Variants in CHRM3 observed in about 807,000 individuals in gnomAD.
CHRM3 encodes the protein cholinergic receptor muscarinic 3, also known as muscarinic acetylcholine receptor M3.
CHRM3 carries 11 observed loss-of-function variants against 41.8 expected under a neutral mutation model. The ratio of observed to expected loss-of-function variants is 0.26; its 90% confidence interval spans 0.17 to 0.44. The LOEUF (loss-of-function observed/expected upper bound fraction) is 0.44, where lower values mean the gene tolerates loss of function less well. Ranked by LOEUF, CHRM3 falls within the 20% of genes least tolerant of loss-of-function variation. CHRM3 has a pLI of 1.00. For synonymous variants in CHRM3, 297 were observed against 301.4 expected, an observed-to-expected ratio of 0.99 and a Z score of 0.15; for missense variants, 571 against 745.4, an observed-to-expected ratio of 0.77 and a Z score of 2.72.
intron 4 of CHRM3, among the ~76,000 whole-genome samples, chr1:239,662,105 ATGTGTGTGTGTGTG>A (rs57202092): frequency 7.0e-4 from 102 of 144,832 alleles, no homozygotes; most frequent in South Asian, 6.5e-3. Flanking sequence ...TCAGTTTTAG[ATGTGTGTGTGTGTG>A]TGTGTGTGTG....
At chr1:239,613,121 C>A (rs1255061841) in intron 3 of CHRM3, among the ~76,000 whole-genome samples, 1 of 152,200 alleles carries the variant, frequency 6.6e-6, no homozygotes, top group Non-Finnish European at 1.5e-5. Context: ...TGCCCCTCAT[C>A]ATTTTCCATA....
chr1:239,407,645 A>G (rs947955318), intron 1 of CHRM3, among the ~76,000 whole-genome samples: 2 of 152,132 alleles, frequency 1.3e-5, no homozygotes, highest in African/African-American at 4.8e-5. Flanking sequence ...GTCACTCACA[A>G]TAAATTATAG....
At chr1:239,546,660 C>T (rs1012807463) in intron 3 of CHRM3, 3 of 152,198 alleles carry the variant, frequency 2.0e-5, no homozygotes, top group Admixed American at 2.0e-4. Flanking sequence ...TTCTCACACA[C>T]CCATGCACAC....
chr1:239,610,708 C>T (rs1262871404), intron 3 of CHRM3, among the ~76,000 whole-genome samples: 2 of 152,188 alleles, frequency 1.3e-5, no homozygotes, highest in Non-Finnish European at 2.9e-5. Context: ...GCCTCCTTAA[C>T]TTTAGCCTCC....
In CHRM3 at chr1:239,790,019, G is replaced by A. The variant is rs545244432; in HGVS notation, c.-146-37233G>A. ...ATGGGGCCTGTAGCCCCCGTTTGGC[G>A]AATTTCTACCATTTGTAACCCGTGT... On this transcript the variant is annotated intron_variant, in intron 5 of 6. Transcript: ENST00000676153. Among the ~76,000 whole-genome samples the A allele has an allele frequency of 1.5e-3, 225 of 152,228 alleles. 3 individuals carry two copies. In the Middle Eastern group the frequency reaches 0.017, roughly 12 times the overall value.
intron 2 of CHRM3, among the ~76,000 whole-genome samples, chr1:239,520,371 A>G (rs1410486699): frequency 4.6e-5 from 7 of 152,074 alleles, no homozygotes; most frequent in African/African-American, 1.7e-4. Flanking sequence ...CGGATTTCTC[A>G]TGAATCGTTT....
rs1282083573 is a variant in CHRM3, at chr1:239,492,798, C to T, written c.-431C>T. The T allele has an allele frequency of 6.6e-6, 1 of 152,236 alleles. No homozygotes were observed. The allele number at this position is 152,236 out of a possible 1,614,324, so 9.4% of individuals were successfully genotyped here. On this transcript the variant is annotated 5_prime_UTR_variant, in exon 2 of 7. Coordinates refer to ENST00000676153, the MANE Select transcript of CHRM3 (RefSeq NM_001375978.1). Reference sequence around the variant, plus strand: ...GGGAACCTACCCAGTCCATTGCTGCCTGCTACAAGGTAAGTGAAATCGATC... The same window carrying T: ...GGGAACCTACCCAGTCCATTGCTGCTTGCTACAAGGTAAGTGAAATCGATC...
At chr1:239,456,843 G>A (rs549380636) in intron 1 of CHRM3, among the ~76,000 whole-genome samples, 41 of 152,318 alleles carry the variant, frequency 2.7e-4, no homozygotes, top group African/African-American at 9.6e-4. Flanking sequence ...AGTGAAGAGA[G>A]CTCTGAGCAG....
intron 3 of CHRM3, among the ~76,000 whole-genome samples, chr1:239,612,910 C>T (rs75365416): frequency 3.8e-3 from 577 of 152,292 alleles, no homozygotes; most frequent in Non-Finnish European, 5.6e-3. Flanking sequence ...TTTCAGACTT[C>T]AGTTTCCCCT....
intron 1 of CHRM3, among the ~76,000 whole-genome samples, chr1:239,396,148 C>A (rs1174266615): frequency 1.3e-5 from 2 of 152,198 alleles, no homozygotes; most frequent in Non-Finnish European, 2.9e-5. Context: ...TCTTCTGTTA[C>A]TCTATCAGAA....
rs1350459825 is a variant in CHRM3, at chr1:239,631,274, G to C, written c.-312-950G>C. ...TGCTCTCCTTCTCTGTGCTGATCTTGTCACAGATGACACTCGCAGAGGTTT... is the reference window on the plus strand; with the variant it reads ...TGCTCTCCTTCTCTGTGCTGATCTTCTCACAGATGACACTCGCAGAGGTTT... On this transcript the variant is annotated intron_variant, in intron 3 of 6. Transcript: ENST00000676153. 3.9e-5 allele frequency among the ~76,000 whole-genome samples: 6 copies of C among 152,084 alleles called. No individual in the cohort carries two copies. In the East Asian group the frequency reaches 1.2e-3, roughly 29 times the overall value.
chr1:239,589,301 A>C (rs989482230), intron 3 of CHRM3, among the ~76,000 whole-genome samples: 70 of 151,948 alleles, frequency 4.6e-4, no homozygotes, highest in Non-Finnish European at 1.5e-4. Flanking sequence ...TACTGATTAC[A>C]ATAAGGAACC....
At chr1:239,639,064 A>C (rs1295063758) in intron 4 of CHRM3, among the ~76,000 whole-genome samples, 43 of 151,932 alleles carry the variant, frequency 2.8e-4, no homozygotes, top group African/African-American at 9.7e-4. Context: ...GTCAAAGATC[A>C]GATAGTTGTA....
chr1:239,502,298 T>C (rs888352151), intron 2 of CHRM3, among the ~76,000 whole-genome samples: 2 of 152,158 alleles, frequency 1.3e-5, no homozygotes, highest in Non-Finnish European at 2.9e-5. Flanking sequence ...AAGGCTACTA[T>C]GAACACCTTT....
intron 4 of CHRM3, among the ~76,000 whole-genome samples, chr1:239,671,086 T>C (rs966693884): frequency 1.3e-5 from 2 of 152,206 alleles, no homozygotes; most frequent in African/African-American, 4.8e-5. Context: ...GTTCTAATTT[T>C]GCCATTCTTA....
chr1:239,425,847 C>A (rs1440723497), intron 1 of CHRM3, among the ~76,000 whole-genome samples: 2 of 152,088 alleles, frequency 1.3e-5, no homozygotes, highest in Non-Finnish European at 2.9e-5. Context: ...TTTCAGAAAT[C>A]TCTGGTAATT....
chr1:239,834,015 A>G (rs1673094306), intron 6 of CHRM3, among the ~76,000 whole-genome samples: 2 of 152,160 alleles, frequency 1.3e-5, no homozygotes, highest in South Asian at 2.1e-4. Flanking sequence ...AAACAGATAC[A>G]TAGCTGAGTT....
chr1:239,666,737 T>C (rs941258626), intron 4 of CHRM3, among the ~76,000 whole-genome samples: 1 of 152,134 alleles, frequency 6.6e-6, no homozygotes, highest in African/African-American at 2.4e-5. Context: ...GGTTATACTG[T>C]GGGAGGCTGA....
chr1:239,723,709 TATGAG>T (rs1663184055), intron 5 of CHRM3, among the ~76,000 whole-genome samples: 1 of 151,888 alleles, frequency 6.6e-6, no homozygotes, highest in Admixed American at 6.6e-5. Context: ...GGGCAAATTG[TATGAG>T]ATGTGTGTAG....
Sources: allele counts gnomAD v4.1 joint callset (sites outside exome capture counted in the v4.1 genomes callset), GRCh38; gene constraint gnomAD v4.1.1; transcripts MANE v1.5; gene names NCBI Gene and HGNC (gene_info 2026-07-23, HGNC 2026-07-21).